Variants in SLC7A14 observed in about 807,000 individuals in gnomAD.
The protein encoded by SLC7A14 is gamma-aminobutyric acid transporter SLC7A14.
A neutral mutation model predicts 60.2 loss-of-function variants in SLC7A14; 37 were observed. That is an observed-to-expected ratio of 0.61 (90% CI 0.47 to 0.81). The LOEUF (loss-of-function observed/expected upper bound fraction) is 0.81, where lower values mean the gene tolerates loss of function less well. Among genes scored for constraint, SLC7A14 ranks in the 30% least tolerant of loss-of-function variants. The pLI is 0.00. For synonymous variants in SLC7A14, 399 were observed against 395.8 expected (o/e 1.01, Z -0.10); for missense variants, 886 against 982.7 (o/e 0.90, Z 1.32).
chr3:170,578,226 G>A (rs1057430707), intron 1 of SLC7A14, among the ~76,000 whole-genome samples: 2 of 152,232 alleles, frequency 1.3e-5, no homozygotes, highest in East Asian at 3.8e-4. Flanking sequence ...ACCACATGCA[G>A]CCACCTGCAC....
chr3:170,482,935 G>T (rs1255919300), intron 6 of SLC7A14, among the ~76,000 whole-genome samples: 1 of 151,608 alleles, frequency 6.6e-6, no homozygotes, highest in East Asian at 1.9e-4. Context: ...GAGGGGCTGT[G>T]GAGAGTGGGG....
rs1372510269 is a variant in SLC7A14, at chr3:170,463,222, G to C, written c.*3833C>G. ...AGTCATGCATAAATCATGTGCTCCAGGCAAACTAGCTCCTTGCTTTCTCTT... is the reference window on the plus strand; with the variant it reads ...AGTCATGCATAAATCATGTGCTCCACGCAAACTAGCTCCTTGCTTTCTCTT... On this transcript the variant is annotated 3_prime_UTR_variant, in exon 8 of 8. Coordinates refer to ENST00000231706, the MANE Select transcript of SLC7A14 (RefSeq NM_020949.3). 2 of 152,130 alleles carry C rather than the reference G, an allele frequency of 1.3e-5. No individual in the cohort carries two copies. The highest frequency in any genetic ancestry group is 2.9e-5 in the Non-Finnish European group (2 of 68,068). The allele number at this position is 152,130 out of a possible 1,614,324, so 9.4% of individuals were successfully genotyped here.
At chr3:170,501,629 T>C (rs1303250874) in intron 2 of SLC7A14, among the ~76,000 whole-genome samples, 1 of 152,234 alleles carries the variant, frequency 6.6e-6, no homozygotes, top group Non-Finnish European at 1.5e-5. Flanking sequence ...GTCTCTATCA[T>C]GCTCCTTAGG....
intron 2 of SLC7A14, among the ~76,000 whole-genome samples, chr3:170,514,990 C>A (rs1204733599): frequency 6.6e-6 from 1 of 152,144 alleles, no homozygotes; most frequent in East Asian, 1.9e-4. Context: ...GACTTCTCAA[C>A]CTTTTCCATA....
chr3:170,513,362 A>C (rs1332980552), intron 2 of SLC7A14, among the ~76,000 whole-genome samples: 1 of 152,220 alleles, frequency 6.6e-6, no homozygotes, highest in East Asian at 1.9e-4. Context: ...TTTTCTTTAG[A>C]AGTCAAAGAA....
chr3:170,474,594 T>A (rs1341327448), intron 7 of SLC7A14, among the ~76,000 whole-genome samples: 1 of 152,246 alleles, frequency 6.6e-6, no homozygotes, highest in Non-Finnish European at 1.5e-5. Flanking sequence ...CAAGCTTATT[T>A]ATGGGACATG....
intron 2 of SLC7A14, among the ~76,000 whole-genome samples, chr3:170,512,219 G>C (rs1038471065): frequency 2.6e-5 from 4 of 152,150 alleles, no homozygotes; most frequent in African/African-American, 9.7e-5. Context: ...GGTGAGTGCC[G>C]AGAGGACCCA....
intron 7 of SLC7A14, among the ~76,000 whole-genome samples, chr3:170,468,077 A>G (rs1265214371): frequency 6.6e-6 from 1 of 152,068 alleles, no homozygotes; most frequent in Admixed American, 6.5e-5. Context: ...ACAGGGTCGT[A>G]GACTCTGCAG....
intron 1 of SLC7A14, among the ~76,000 whole-genome samples, chr3:170,562,704 A>G (rs1006399539): frequency 6.6e-6 from 1 of 152,160 alleles, no homozygotes; most frequent in African/African-American, 2.4e-5. Flanking sequence ...AGATTTCCCA[A>G]TGCTCTGTCA....
At chr3:170,519,305 G>A (rs866839267) in intron 2 of SLC7A14, among the ~76,000 whole-genome samples, 12 of 152,188 alleles carry the variant, frequency 7.9e-5, no homozygotes, top group African/African-American at 2.9e-4. Flanking sequence ...AGATGTGGCA[G>A]TGACAGCCAG....
chr3:170,496,379 G>T, intron 4 of SLC7A14: 1 of 1,417,578 alleles, frequency 7.1e-7, no homozygotes, highest in Non-Finnish European at 9.9e-7. Context: ...ACATCAGCCG[G>T]CTCCAGGCTG....
intron 2 of SLC7A14, among the ~76,000 whole-genome samples, chr3:170,506,440 G>T (rs1410937767): frequency 6.6e-6 from 1 of 152,160 alleles, no homozygotes; most frequent in African/African-American, 2.4e-5. Flanking sequence ...TTGAAAAGTG[G>T]GTTGGGACAA....
intron 4 of SLC7A14, among the ~76,000 whole-genome samples, chr3:170,491,245 G>A (rs2108274690): frequency 6.6e-6 from 1 of 152,266 alleles, no homozygotes; most frequent in South Asian, 2.1e-4. Context: ...TCCTCTAAAT[G>A]AACAAGAGAA....
chr3:170,574,142 TCTTA>T (rs1715026266), intron 1 of SLC7A14, among the ~76,000 whole-genome samples: 1 of 152,240 alleles, frequency 6.6e-6, no homozygotes, highest in Non-Finnish European at 1.5e-5. Flanking sequence ...TTCTTTCCTC[TCTTA>T]CTTGCTTCTC....
chr3:170,496,151 G>A lies in SLC7A14; in HGVS notation c.759+2516C>T, dbSNP rs937274864. On this transcript the variant is annotated intron_variant, in intron 4 of 7. Coordinates refer to ENST00000231706, the MANE Select transcript of SLC7A14 (RefSeq NM_020949.3). ...TCCAGGAGCTGCAGTCCCAGATCTCGGGCACGTCTGCGGTGCTGTCCATGG... is the reference window on the plus strand; with the variant it reads ...TCCAGGAGCTGCAGTCCCAGATCTCAGGCACGTCTGCGGTGCTGTCCATGG... 4.3e-6 allele frequency: 4 copies of A among 931,716 alleles called. No individual in the cohort carries two copies. In the African/African-American group the frequency reaches 6.5e-5, roughly 15 times the overall value. 57.7% of individuals were successfully genotyped at this position (931,716 alleles called of 1,614,324 possible). A position where few individuals can be genotyped will look rare whatever the true frequency, so the allele number is the denominator to read the frequency against.
intron 4 of SLC7A14, chr3:170,495,832 T>A: frequency 8.8e-7 from 1 of 1,133,030 alleles, no homozygotes; most frequent in Non-Finnish European, 1.3e-6. Flanking sequence ...CAGCAGAAGA[T>A]GGCTCGGATC....
chr3:170,513,212 T>C (rs1020553318), intron 2 of SLC7A14, among the ~76,000 whole-genome samples: 4 of 151,906 alleles, frequency 2.6e-5, no homozygotes, highest in Admixed American at 6.6e-5. Flanking sequence ...CCAAGAAAAA[T>C]AGCAAGTGCC....
At chr3:170,562,472 G>C (rs748946995) in intron 1 of SLC7A14, among the ~76,000 whole-genome samples, 12 of 149,014 alleles carry the variant, frequency 8.1e-5, no homozygotes, top group Middle Eastern at 3.5e-3. Flanking sequence ...TGATTTCATG[G>C]ACTTTGGGGA....
intron 1 of SLC7A14, among the ~76,000 whole-genome samples, chr3:170,570,787 C>A (rs1389657049): frequency 6.6e-6 from 1 of 152,164 alleles, no homozygotes; most frequent in Non-Finnish European, 1.5e-5. Context: ...TAAAAAGTAT[C>A]TAAAAATTAA....
Sources: gnomAD v4.1 joint callset for allele counts (sites outside exome capture counted in the v4.1 genomes callset) on GRCh38, gnomAD v4.1.1 for gene constraint, MANE v1.5 for transcripts, NCBI Gene and HGNC (gene_info 2026-07-23, HGNC 2026-07-21) for gene names.